Variants in PKD1 observed in about 807,000 individuals in gnomAD.
The protein encoded by PKD1 is polycystin 1, transient receptor potential channel interacting, also known as polycystin-1.
Under a neutral mutation model 361.7 loss-of-function variants are expected in PKD1, and 81 were observed. That is an observed-to-expected ratio of 0.22 (90% confidence interval 0.19 to 0.27). PKD1 has a LOEUF of 0.27. PKD1 is among the 10% of genes least tolerant of loss of function. The pLI is 1.00. For synonymous variants in PKD1, 3,615 were observed against 2,818.3 expected, an observed-to-expected ratio of 1.28 and a Z score of -8.95; for missense variants, 6,399 against 6,118.3, an observed-to-expected ratio of 1.05 and a Z score of -1.53.
In PKD1 at chr16:2,092,483, C is replaced by CCTGCAGCCGCACCTG. The variant is rs1057518104; in HGVS notation, c.11251_11265dup (p.Gln3751_Gln3755dup). On this transcript the variant is annotated inframe_insertion, in exon 39 of 46. Coordinates refer to ENST00000262304, the MANE Select transcript of PKD1 (RefSeq NM_001009944.3). ...GGGGCACGCCCTGCCAGCTCACCTTCCTGCAGCCGCACCTGCCGCAGCCGT... is the reference window on the plus strand; with the variant it reads ...GGGGCACGCCCTGCCAGCTCACCTTCCTGCAGCCGCACCTGCTGCAGCCGCACCTGCCGCAGCCGT... 1 of 1,599,330 alleles carries CCTGCAGCCGCACCTG rather than the reference C, an allele frequency of 6.3e-7. No homozygotes were observed. Among genetic ancestry groups the CCTGCAGCCGCACCTG allele is most frequent in the Admixed American group, 1.7e-5 (1 of 59,940 alleles).
rs747955457 is a variant in PKD1, at chr16:2,112,937, G to A, written c.3012C>T (p.Asn1004=). Residue 1004 remains asparagine (N), a synonymous_variant, in exon 13 of 46, where the codon AAC becomes AAT. Coordinates refer to ENST00000262304, the MANE Select transcript of PKD1 (RefSeq NM_001009944.3). The part of the protein sequence containing the change: ...LSLTASNHVS[N]VTVNYNVTVE... ...CGGTTACGTTGTAGTTCACGGTGAC[G>A]TTGCTCACGTGGTTGGAGGCCGTCA... 2.9e-5 allele frequency: 46 copies of A among 1,602,638 alleles called. No homozygotes were observed. Among genetic ancestry groups the A allele is most frequent in the Admixed American group, 1.3e-4 (8 of 59,996 alleles).
Position 2,090,563 on chromosome 16 carries a change from AGAGG to A in PKD1, c.12162_12165del (p.Leu4055GlyfsTer142). 1 of 1,609,350 alleles carries A rather than the reference AGAGG, an allele frequency of 6.2e-7. No homozygotes were observed. Among genetic ancestry groups the A allele is most frequent in the Non-Finnish European group, 8.5e-7 (1 of 1,179,634 alleles). On this transcript the variant is annotated frameshift_variant, in exon 45 of 46. Coordinates refer to ENST00000262304, the MANE Select transcript of PKD1 (RefSeq NM_001009944.3). LOFTEE classifies it high-confidence loss of function. The stretch of plus-strand genomic sequence containing the variant: ...ACCAACAGGGCCTGGGCCACGCTCC[AGAGG>A]GAGTCCACACAGGAAGACACGAGCT...
chr16:2,117,086 G>A (rs780841650), intron 6 of PKD1, 33 bp from the exon 7 acceptor site: 3 of 1,083,948 alleles, frequency 2.8e-6, no homozygotes, highest in East Asian at 4.9e-5. Context: ...AGGGGGCTCA[G>A]GGCACTCCTC....
rs1419746549 is a variant in PKD1, at chr16:2,100,629, G to A, written c.9398-63C>T. The A allele has an allele frequency of 1.5e-5, 22 of 1,420,428 alleles. No homozygotes were observed. The highest frequency in any genetic ancestry group is 2.2e-5 in the Non-Finnish European group (22 of 1,018,030). 88.0% of individuals were successfully genotyped at this position (1,420,428 alleles called of 1,614,324 possible). On this transcript the variant is annotated intron_variant, in intron 26 of 45. Coordinates refer to ENST00000262304, the MANE Select transcript of PKD1 (RefSeq NM_001009944.3). This position sits in a 1 kb window ranked among gnomAD's most constrained non-coding sequence, Gnocchi z 4.4. ...CTGCCCAACACGTGTGGCATCCCAG[G>A]CAAGTCATCTCAGCTTTGGCCTGTG...
In PKD1 at chr16:2,112,898, G is replaced by A. The variant is rs550771734; in HGVS notation, c.3051C>T (p.Asn1017=). 10 of 1,606,960 alleles carry A rather than the reference G, an allele frequency of 6.2e-6. No individual in the cohort carries two copies. The highest frequency in any genetic ancestry group is 1.7e-5 in the Admixed American group (1 of 60,014). ...TGGAGACCTGCAGACCCTGCATCCTGTTCATCCGCTCCACGGTTACGTTGT... is the reference window on the plus strand; with the variant it reads ...TGGAGACCTGCAGACCCTGCATCCTATTCATCCGCTCCACGGTTACGTTGT... ...VNYNVTVERM[N]RMQGLQVSTV... is the part of the protein sequence containing the mutation. The change falls in exon 13 of 46, where the codon AAC becomes AAT. Residue 1017 remains asparagine, a synonymous_variant. Transcript: ENST00000262304.
In PKD1 at chr16:2,117,651, G is replaced by A. The variant is rs372758932; in HGVS notation, c.1223C>T (p.Ser408Leu). 16 of 1,610,294 alleles carry A rather than the reference G, an allele frequency of 9.9e-6. No individual in the cohort carries two copies. Among genetic ancestry groups the A allele is most frequent in the South Asian group, 5.5e-5 (5 of 90,968 alleles). ...GTTGCCAGGGAAGATCTCCGTGTCC[G>A]AGGGGCAGAGCGGGTGCACCGCTGG... The part of the protein sequence containing the change: ...PARAVHPLCP[S>L]DTEIFPGNGH... Residue 408 changes from serine (S) to leucine (L), a missense_variant, in exon 6 of 46, where the codon TCG becomes TTG. Coordinates refer to ENST00000262304, the MANE Select transcript of PKD1 (RefSeq NM_001009944.3).
chr16:2,101,853 G>A (rs2092110677), intron 26 of PKD1: 6 of 618,340 alleles, frequency 9.7e-6, no homozygotes, highest in Non-Finnish European at 1.8e-5. Context: ...CTGACTGACT[G>A]GCACCTACTT....
In PKD1 at chr16:2,102,072, C is replaced by A; in HGVS notation, c.9386G>T (p.Gly3129Val). 3 of 1,553,536 alleles carry A rather than the reference C, an allele frequency of 1.9e-6. No homozygotes were observed. Among genetic ancestry groups the A allele is most frequent in the East Asian group, 2.3e-5 (1 of 42,794 alleles). ...KYEILVKTGW[G>V]RGSGTTAHVG... ...GCTGCGCCCCTCACCTGAGCCCCGG[C>A]CCCAGCCTGTCTTGACGAGGATCTC... Residue 3129 changes from glycine (G) to valine (V), a missense_variant, in exon 26 of 46, where the codon GGC (glycine) becomes GTC (valine). By Grantham distance (109) the Gly-to-Val change is moderately radical (BLOSUM62 -3). Coordinates refer to ENST00000262304, the MANE Select transcript of PKD1 (RefSeq NM_001009944.3).
chr16:2,103,183 A>C, intron 23 of PKD1, 83 bp downstream of exon 23: 1 of 1,430,744 alleles, frequency 7.0e-7, no homozygotes, highest in South Asian at 1.2e-5. Context: ...TTCACCAGAG[A>C]CACCCATGGA....
rs750567974 is a variant in PKD1, at chr16:2,094,242, C to T, written c.10500-32G>A. On this transcript the variant is annotated intron_variant, in intron 34 of 45. Transcript: ENST00000262304. ...GACATGGTAGGCTGTGAATTCATCC[C>T]GGCCTCCAGGAGGCAGTTGCAGCCA... The T allele has an allele frequency of 1.0e-5, 14 of 1,384,374 alleles. No individual in the cohort carries two copies. The Admixed American group carries it at 1.7e-4, about 17-fold the overall frequency. 85.8% of individuals were successfully genotyped at this position (1,384,374 alleles called of 1,614,324 possible). A position where few individuals can be genotyped will look rare whatever the true frequency, so the allele number is the denominator to read the frequency against.
intron 1 of PKD1, among the ~76,000 whole-genome samples, chr16:2,126,863 G>A (rs2092806054): frequency 6.6e-6 from 1 of 152,214 alleles, no homozygotes; most frequent in Non-Finnish European, 1.5e-5. Context: ...GGCAGTGGCA[G>A]AACCACCCCA....
Position 2,109,005 on chromosome 16 carries a change from C to G in PKD1, c.6162G>C (p.Val2054=), listed in dbSNP as rs1387685070. The change falls in exon 15 of 46, where the codon GTG becomes GTC. Residue 2054 remains valine (V), a synonymous_variant. Coordinates refer to ENST00000262304, the MANE Select transcript of PKD1 (RefSeq NM_001009944.3). The part of the protein sequence containing the change: ...NALGSENRTL[V]LEVQDAVQYV... The stretch of plus-strand genomic sequence containing the variant: ...ACTGGACGGCGTCCTGAACCTCCAG[C>G]ACCAGCGTGCGGTTCTCACTGCCCA... 1 of 1,610,528 alleles carries G rather than the reference C, an allele frequency of 6.2e-7. No homozygotes were observed. Among genetic ancestry groups the G allele is most frequent in the Non-Finnish European group, 8.5e-7 (1 of 1,179,206 alleles).
rs1243570710 is a variant in PKD1 at position 2,109,306 on chromosome 16, T to C, written c.5861A>G (p.Asn1954Ser). 1.9e-6 allele frequency: 3 copies of C among 1,584,898 alleles called. No homozygotes were observed. The highest frequency in any genetic ancestry group is 2.2e-5 in the South Asian group (2 of 89,804). ...GDHVVSVRGK[N>S]HVSWAQAQVR... is the part of the protein sequence containing the mutation. ...CTGCGCCTGGGCCCAGCTCACGTGGTTTTTGCCCCGCACGCTCACCACGTG... is the reference window on the plus strand; with the variant it reads ...CTGCGCCTGGGCCCAGCTCACGTGGCTTTTGCCCCGCACGCTCACCACGTG... Residue 1954 changes from asparagine (N) to serine (S), a missense_variant, in exon 15 of 46, where the codon AAC becomes AGC. Physicochemically the swap from Asn to Ser is conservative, Grantham distance 46. Coordinates refer to ENST00000262304, the MANE Select transcript of PKD1 (RefSeq NM_001009944.3).
chr16:2,126,464 T>G (rs2092801211), intron 1 of PKD1, among the ~76,000 whole-genome samples: 1 of 152,254 alleles, frequency 6.6e-6, no homozygotes, highest in African/African-American at 2.4e-5. Context: ...GTAGCCCTTC[T>G]CCTGCCACCA....
In PKD1 at chr16:2,115,756, C is replaced by T. The variant is rs2092622213; in HGVS notation, c.1850-131G>A. ...TCCCCACCTGGGCAGCACTCCCAGC[C>T]CAGTGCTGCGTCCGTCTCCGGCCAG... On this transcript the variant is annotated intron_variant, in intron 9 of 45. Coordinates refer to ENST00000262304, the MANE Select transcript of PKD1 (RefSeq NM_001009944.3). The T allele has an allele frequency of 9.6e-6, 10 of 1,036,540 alleles. No homozygotes were observed. The Admixed American group carries it at 2.1e-4, about 22-fold the overall frequency. 64.2% of individuals were successfully genotyped at this position (1,036,540 alleles called of 1,614,324 possible).
intron 12 of PKD1, 81 bp downstream of exon 12, chr16:2,113,080 G>A (rs1480389502): frequency 5.2e-6 from 6 of 1,164,632 alleles, no homozygotes; most frequent in Admixed American, 3.8e-5. Flanking sequence ...ATGAAGCAGA[G>A]CAGAAGGCAG....
At position 2,111,316 on chromosome 16, in the gene PKD1, G is replaced by C. The variant is rs780429493; in HGVS notation, c.3851C>G (p.Ala1284Gly). The change falls in exon 15 of 46, where the codon GCC (alanine) becomes GGC (glycine). Residue 1284 changes from alanine (A) to glycine (G), a missense_variant. By Grantham distance (60) the Ala-to-Gly change is moderately conservative. Transcript: ENST00000262304. The part of the protein sequence containing the change: ...VGAASPAGHL[A>G]RSLHVLVFVL... Reference sequence around the variant, plus strand: ...GAAGACCAGCACGTGCAGGCTCCGGGCCAGGTGGCCGGCGGGGCTGGCCGC... The same window carrying C: ...GAAGACCAGCACGTGCAGGCTCCGGCCCAGGTGGCCGGCGGGGCTGGCCGC... 28 of 1,608,650 alleles carry C rather than the reference G, an allele frequency of 1.7e-5. No individual in the cohort carries two copies. The South Asian group carries it at 2.7e-4, about 16-fold the overall frequency.
rs557247240 is a variant in PKD1, at chr16:2,116,777, C to T, written c.1606+56G>A. 1.9e-5 allele frequency: 23 copies of T among 1,196,218 alleles called. No homozygotes were observed. In the African/African-American group the frequency reaches 2.1e-4, roughly 11 times the overall value. The allele number at this position is 1,196,218 out of a possible 1,614,324, so 74.1% of individuals were successfully genotyped here. On this transcript the variant is annotated intron_variant, in intron 7 of 45. Transcript: ENST00000262304. Reference sequence around the variant, plus strand: ...CAGCCCAGGCTCCACCGCGGGCGCTCGGCAGGCCCCTAACCACAGCCAGCG... The same window carrying T: ...CAGCCCAGGCTCCACCGCGGGCGCTTGGCAGGCCCCTAACCACAGCCAGCG...
Position 2,106,160 on chromosome 16 carries a change from G to A in PKD1, c.7634C>T (p.Pro2545Leu). 6.2e-7 allele frequency: 1 copy of A among 1,608,574 alleles called. No individual in the cohort carries two copies. Among genetic ancestry groups the A allele is most frequent in the Non-Finnish European group, 8.5e-7 (1 of 1,178,750 alleles). The stretch of plus-strand genomic sequence containing the variant: ...CACGGCCAGGCCCACCTCGAAGTGT[G>A]GCCTGAAACCCGGGGGCAGCACGGC... Reference protein sequence around the residue: ...YGAVLPPGFRPHFEVGLAVVV... With the variant: ...YGAVLPPGFRLHFEVGLAVVV... Residue 2545 changes from proline (P) to leucine (L), a missense_variant, in exon 19 of 46, where the codon CCA (proline) becomes CTA (leucine). Physicochemically the swap from Pro to Leu is moderately conservative, Grantham distance 98. Transcript: ENST00000262304. This position sits in a 1 kb window ranked among gnomAD's most constrained non-coding sequence, Gnocchi z 6.5.
Sources: allele counts gnomAD v4.1 joint callset (sites outside exome capture counted in the v4.1 genomes callset), GRCh38; gene constraint gnomAD v4.1.1; non-coding constraint Gnocchi (gnomAD v3.1); transcripts MANE v1.5; gene names NCBI Gene and HGNC (gene_info 2026-07-23, HGNC 2026-07-21).